The following CADM1 variants were observed in gnomAD, a reference collection of about 807,000 sequenced individuals.
CADM1 encodes the protein cell adhesion molecule 1.
CADM1 carries 15 observed loss-of-function variants against 53.1 expected under a neutral mutation model. That is an observed-to-expected ratio of 0.28 (90% confidence interval 0.19 to 0.44). CADM1 has a LOEUF of 0.44. CADM1 is among the 20% of genes least tolerant of loss of function. The pLI, the probability that CADM1 is intolerant of heterozygous loss-of-function variation, is 1.00. For synonymous variants in CADM1, 281 were observed against 243.0 expected, an observed-to-expected ratio of 1.16 and a Z score of -1.45; for missense variants, 434 against 611.3, an observed-to-expected ratio of 0.71 and a Z score of 3.06.
At chr11:115,417,091 G>A (rs935417234) in intron 1 of CADM1, among the ~76,000 whole-genome samples, 1 of 152,082 alleles carries the variant, frequency 6.6e-6, no homozygotes, top group Non-Finnish European at 1.5e-5. Context: ...GAAGAAATGT[G>A]GGCCAATATA....
intron 5 of CADM1, among the ~76,000 whole-genome samples, chr11:115,218,591 A>T (rs1941283034): frequency 6.6e-6 from 1 of 152,156 alleles, no homozygotes; most frequent in African/African-American, 2.4e-5. Flanking sequence ...AGGAACCATC[A>T]TTGGGGGTAG....
intron 1 of CADM1, among the ~76,000 whole-genome samples, chr11:115,498,780 C>T (rs1028113493): frequency 3.3e-5 from 5 of 152,058 alleles, no homozygotes; most frequent in Admixed American, 6.5e-5. Context: ...ACTGTGCGTA[C>T]GGCCAGATAA....
At chr11:115,211,187 CAGGT>C (rs67748168) in intron 7 of CADM1, among the ~76,000 whole-genome samples, 56,453 of 151,624 alleles carry the variant, frequency 0.37, 12,704 homozygotes, top group Non-Finnish European at 0.51. Flanking sequence ...ATGGAGGCCA[CAGGT>C]AGGGAAGCAT....
chr11:115,315,111 GA>G (rs1356078034), intron 1 of CADM1, among the ~76,000 whole-genome samples: 1 of 152,090 alleles, frequency 6.6e-6, no homozygotes, highest in African/African-American at 2.4e-5. Context: ...ATCCCTGTCA[GA>G]AATGTCCTTT....
chr11:115,332,885 C>T (rs999731362), intron 1 of CADM1, among the ~76,000 whole-genome samples: 10 of 152,034 alleles, frequency 6.6e-5, no homozygotes, highest in African/African-American at 2.4e-4. Flanking sequence ...GGGAAAAAAG[C>T]GATGTTCCTG....
At chr11:115,220,371 C>T (rs1941360188) in intron 5 of CADM1, among the ~76,000 whole-genome samples, 1 of 152,112 alleles carries the variant, frequency 6.6e-6, no homozygotes, top group Non-Finnish European at 1.5e-5. Context: ...CAATTATTCA[C>T]ATAAATTGGG....
chr11:115,196,343 A>G (rs992294426), intron 9 of CADM1, among the ~76,000 whole-genome samples: 1 of 152,124 alleles, frequency 6.6e-6, no homozygotes, highest in Admixed American at 6.5e-5. Flanking sequence ...CGAATAGCCT[A>G]TCCAACTCTG....
At chr11:115,406,644 T>C (rs893134808) in intron 1 of CADM1, among the ~76,000 whole-genome samples, 1 of 149,764 alleles carries the variant, frequency 6.7e-6, no homozygotes, top group Non-Finnish European at 1.5e-5. Flanking sequence ...ACTAAGCAAT[T>C]TGTATGTTAA....
intron 1 of CADM1, among the ~76,000 whole-genome samples, chr11:115,468,035 C>A (rs542046901): frequency 6.6e-6 from 1 of 152,268 alleles, no homozygotes; most frequent in East Asian, 1.9e-4. Context: ...CTACACTCAG[C>A]TTACGGTTTG....
intron 1 of CADM1, among the ~76,000 whole-genome samples, chr11:115,258,219 T>C (rs1340464897): frequency 2.0e-5 from 3 of 152,190 alleles, no homozygotes; most frequent in Non-Finnish European, 2.9e-5. Flanking sequence ...TGTTAATCCA[T>C]GTCCCTTTTT....
At chr11:115,374,644 C>T (rs915602627) in intron 1 of CADM1, among the ~76,000 whole-genome samples, 12 of 152,074 alleles carry the variant, frequency 7.9e-5, no homozygotes, top group Non-Finnish European at 1.6e-4. Context: ...ACCCTTTATA[C>T]CCTCCCATAC....
intron 1 of CADM1, among the ~76,000 whole-genome samples, chr11:115,442,944 G>A (rs1431162896): frequency 6.6e-6 from 1 of 152,126 alleles, no homozygotes; most frequent in African/African-American, 2.4e-5. Context: ...ATATTCTAAT[G>A]GCAACAGTAC....
At chr11:115,393,066 C>CAAAAAAAAAAAA (rs758785520) in intron 1 of CADM1, among the ~76,000 whole-genome samples, 1 of 50,220 alleles carries the variant, frequency 2.0e-5, no homozygotes, top group Admixed American at 2.4e-4. Context: ...CCATCTCTTC[C>CAAAAAAAAAAAA]AAAAAAAAAA....
intron 1 of CADM1, among the ~76,000 whole-genome samples, chr11:115,494,091 T>C (rs190068555): frequency 6.6e-6 from 1 of 152,278 alleles, no homozygotes; most frequent in East Asian, 1.9e-4. Flanking sequence ...TGCTTTCATG[T>C]GGCTTAGGGA....
intron 1 of CADM1, among the ~76,000 whole-genome samples, chr11:115,301,745 T>C (rs1279143335): frequency 2.0e-5 from 3 of 152,008 alleles, no homozygotes; most frequent in African/African-American, 7.2e-5. Flanking sequence ...TCAATTTCTC[T>C]AAGTCTCACC....
At chr11:115,233,334 T>G (rs535410669) in intron 3 of CADM1, among the ~76,000 whole-genome samples, 1 of 152,174 alleles carries the variant, frequency 6.6e-6, no homozygotes, top group Non-Finnish European at 1.5e-5. Flanking sequence ...ATTTAACATC[T>G]AATTTAGAGT....
chr11:115,447,327 T>C (rs72997953), intron 1 of CADM1, among the ~76,000 whole-genome samples: 90 of 152,296 alleles, frequency 5.9e-4, no homozygotes, highest in Non-Finnish European at 1.1e-3. Context: ...TTAATCTCTG[T>C]AAGCTTAAAG....
At chr11:115,337,190 G>C (rs1945289467) in intron 1 of CADM1, among the ~76,000 whole-genome samples, 1 of 152,162 alleles carries the variant, frequency 6.6e-6, no homozygotes, top group South Asian at 2.1e-4. Flanking sequence ...CAGCAGCTCT[G>C]ATATGCTTCT....
At chr11:115,428,689 T>C (rs1170723156) in intron 1 of CADM1, among the ~76,000 whole-genome samples, 7 of 152,130 alleles carry the variant, frequency 4.6e-5, no homozygotes, top group African/African-American at 7.2e-5. Flanking sequence ...TAATTCTTAA[T>C]ATACCACTGA....
Sources: allele counts gnomAD v4.1 joint callset (sites outside exome capture counted in the v4.1 genomes callset), GRCh38; gene constraint gnomAD v4.1.1; transcripts MANE v1.5; gene names NCBI Gene and HGNC (gene_info 2026-07-23, HGNC 2026-07-21).